CRB1: variants seen among roughly 807,000 people sequenced by gnomAD.
The protein encoded by CRB1 is protein crumbs homolog 1.
In CRB1, 83 loss-of-function variants were observed where a neutral mutation model predicts 120.0. That is an observed-to-expected ratio of 0.69 (90% CI 0.58 to 0.83). The LOEUF (loss-of-function observed/expected upper bound fraction) is 0.83, where lower values mean the gene tolerates loss of function less well. Among genes scored for constraint, CRB1 ranks in the 40% least tolerant of loss-of-function variants. The pLI is 0.00. For synonymous variants in CRB1, 625 were observed against 612.5 expected, an observed-to-expected ratio of 1.02 and a Z score of -0.30; for missense variants, 1,699 against 1,687.6, an observed-to-expected ratio of 1.01 and a Z score of -0.12.
At chr1:197,402,084 A>G (rs1304306166) in intron 5 of CRB1, among the ~76,000 whole-genome samples, 1 of 151,640 alleles carries the variant, frequency 6.6e-6, no homozygotes, top group Non-Finnish European at 1.5e-5. Context: ...GTACATGTGC[A>G]GGTTTGTTAT....
chr1:197,337,602 A>G (rs1659229092), intron 2 of CRB1, among the ~76,000 whole-genome samples: 1 of 152,182 alleles, frequency 6.6e-6, no homozygotes, highest in African/African-American at 2.4e-5. Context: ...GTCTCTTAAA[A>G]CATTGCTACT....
At chr1:197,338,309 A>T (rs1340238166) in intron 2 of CRB1, among the ~76,000 whole-genome samples, 1 of 152,138 alleles carries the variant, frequency 6.6e-6, no homozygotes, top group Non-Finnish European at 1.5e-5. Flanking sequence ...TATGATATTT[A>T]TGATGCAAGT....
chr1:197,218,225 G>C, the CRB1 span, among the ~76,000 whole-genome samples: 1 of 152,194 alleles, frequency 6.6e-6, no homozygotes, highest in Admixed American at 6.5e-5. Flanking sequence ...AGTTTATCAT[G>C]AAACAGAATG....
At chr1:197,282,054 T>G (rs1655551101) in intron 1 of CRB1, among the ~76,000 whole-genome samples, 1 of 150,722 alleles carries the variant, frequency 6.6e-6, no homozygotes, top group African/African-American at 2.4e-5. Flanking sequence ...AAATATAAGC[T>G]ATTCATAAAA....
chr1:197,202,155 C>G, the CRB1 span, among the ~76,000 whole-genome samples: 3 of 152,074 alleles, frequency 2.0e-5, no homozygotes, highest in Non-Finnish European at 4.4e-5. Context: ...ACCCTCTCGT[C>G]CCTCCCATAC....
chr1:197,213,034 G>C, the CRB1 span, among the ~76,000 whole-genome samples: 1 of 152,198 alleles, frequency 6.6e-6, no homozygotes, highest in African/African-American at 2.4e-5. Flanking sequence ...TTGAAACTAT[G>C]AAAGTACTAT....
chr1:197,405,409 G>C (rs1308562092), intron 5 of CRB1, among the ~76,000 whole-genome samples: 1 of 151,522 alleles, frequency 6.6e-6, no homozygotes, highest in African/African-American at 2.4e-5. Context: ...GTGCAGTGGT[G>C]TGATCTCGGC....
At chr1:197,241,985 C>T in the CRB1 span, among the ~76,000 whole-genome samples, 2 of 152,180 alleles carry the variant, frequency 1.3e-5, no homozygotes, top group South Asian at 4.2e-4. Context: ...TGATTTGGCT[C>T]TCTGTTTGTC....
At chr1:197,415,386 C>A (rs573709724) in intron 5 of CRB1, among the ~76,000 whole-genome samples, 374 of 152,250 alleles carry the variant, frequency 2.5e-3, no homozygotes, top group Non-Finnish European at 4.3e-3. Context: ...TTACGTATGA[C>A]TCCCCACTGC....
the CRB1 span, among the ~76,000 whole-genome samples, chr1:197,212,223 C>T: frequency 6.6e-6 from 1 of 152,052 alleles, no homozygotes; most frequent in South Asian, 2.1e-4. Context: ...TGAGCAATTT[C>T]CAAAAACATT....
chr1:197,222,357 A>G, the CRB1 span: 1 of 755,078 alleles, frequency 1.3e-6, no homozygotes, highest in South Asian at 1.3e-5. Context: ...TGCATTGTCC[A>G]TGGCCTTCTC....
At chr1:197,398,457 G>A (rs1049170458) in intron 5 of CRB1, among the ~76,000 whole-genome samples, 1 of 152,116 alleles carries the variant, frequency 6.6e-6, no homozygotes, top group Non-Finnish European at 1.5e-5. Flanking sequence ...GGGTAGGTTG[G>A]GAGATGATAT....
chr1:197,434,665 A>C, intron 8 of CRB1, 41 bp from the exon 9 acceptor site: 1 of 1,549,376 alleles, frequency 6.5e-7, no homozygotes, highest in Non-Finnish European at 8.9e-7. Flanking sequence ...CAAACTATAG[A>C]TTTAATAAAG....
chr1:197,211,076 A>G, the CRB1 span, among the ~76,000 whole-genome samples: 3,730 of 152,350 alleles, frequency 0.024, 141 homozygotes, highest in African/African-American at 0.083. Flanking sequence ...AAGTGAAGCT[A>G]ATGAATTATG....
chr1:197,374,986 T>C (rs2125389431), intron 5 of CRB1, among the ~76,000 whole-genome samples: 1 of 152,050 alleles, frequency 6.6e-6, no homozygotes, highest in East Asian at 1.9e-4. Context: ...ACCTTGGGGG[T>C]CTTTTGCTTC....
rs972072957 is a variant in CRB1 at position 197,345,502 on chromosome 1, CTTT to C, written c.848+1048_848+1050del. ...CTTCAAAAATTTGCAAAAATAATGA[CTTT>C]TTTTTTTTTTTTTTTTTTTTTGAGA... On this transcript the variant is annotated intron_variant, in intron 3 of 11. Transcript: ENST00000367400. 8.2e-4 allele frequency among the ~76,000 whole-genome samples: 74 copies of C among 90,602 alleles called. 1 individual carries two copies. Among genetic ancestry groups the C allele is most frequent in the African/African-American group, 2.0e-3 (43 of 21,016 alleles). 59.4% of individuals were successfully genotyped at this position (90,602 alleles called of 152,430 possible). A position where few individuals can be genotyped will look rare whatever the true frequency, so the allele number is the denominator to read the frequency against.
intron 1 of CRB1, among the ~76,000 whole-genome samples, chr1:197,289,875 A>T (rs1014873689): frequency 1.3e-5 from 2 of 151,592 alleles, no homozygotes; most frequent in Non-Finnish European, 2.9e-5. Flanking sequence ...TTATAAAGAT[A>T]TATATCTTAC....
Position 197,435,518 on chromosome 1 carries a change from C to A in CRB1, c.3655C>A (p.Gln1219Lys). ...VNCEVDIDNC[Q>K]SHQCANGATC... The stretch of plus-strand genomic sequence containing the variant: ...CTGTGAAGTGGATATAGACAACTGC[C>A]AGAGTCACCAGTGTGCAAATGGAGC... Residue 1219 changes from glutamine to lysine, a missense_variant, in exon 9 of 12, where the codon CAG becomes AAG. Physicochemically the swap from Gln to Lys is moderately conservative, Grantham distance 53 (BLOSUM62 1). Coordinates refer to ENST00000367400, the MANE Select transcript of CRB1 (RefSeq NM_201253.3). The A allele has an allele frequency of 6.2e-7, 1 of 1,612,274 alleles. No individual in the cohort carries two copies. The highest frequency in any genetic ancestry group is 8.5e-7 in the Non-Finnish European group (1 of 1,179,130).
intron 5 of CRB1, among the ~76,000 whole-genome samples, chr1:197,367,406 C>T (rs1011572650): frequency 1.2e-4 from 18 of 152,152 alleles, no homozygotes; most frequent in African/African-American, 2.9e-4. Flanking sequence ...AACTTTTGTG[C>T]TGTTTATGCC....
Sources: gnomAD v4.1 joint callset for allele counts (sites outside exome capture counted in the v4.1 genomes callset) on GRCh38, gnomAD v4.1.1 for gene constraint, MANE v1.5 for transcripts, NCBI Gene and HGNC (gene_info 2026-07-23, HGNC 2026-07-21) for gene names.